PDE1C: variants seen among roughly 807,000 people sequenced by gnomAD.
The protein encoded by PDE1C is dual specificity calcium/calmodulin-dependent 3',5'-cyclic nucleotide phosphodiesterase 1C.
Under a neutral mutation model 93.1 loss-of-function variants are expected in PDE1C, and 62 were observed. That is an observed-to-expected ratio of 0.67 (90% CI 0.54 to 0.82). The LOEUF (loss-of-function observed/expected upper bound fraction) is 0.82. Among genes scored for constraint, PDE1C ranks in the 40% least tolerant of loss-of-function variants. PDE1C has a pLI of 0.00. For missense variants in PDE1C, 742 were observed against 884.6 expected, an observed-to-expected ratio of 0.84 and a Z score of 2.04; for synonymous variants, 325 against 310.1, an observed-to-expected ratio of 1.05 and a Z score of -0.50.
chr7:31,885,637 T>C (rs79315647), intron 2 of PDE1C, among the ~76,000 whole-genome samples: 11,834 of 152,264 alleles, frequency 0.078, 587 homozygotes, highest in Middle Eastern at 0.14. Flanking sequence ...AGGGGAACTA[T>C]GTGAGGAAAG....
upstream of PDE1C, chr7:32,070,923 C>G: frequency 1.0e-6 from 1 of 985,374 alleles, no homozygotes; most frequent in Non-Finnish European, 1.2e-6. Flanking sequence ...CGCCCAGCGC[C>G]CCGCTCACTC....
intron 1 of PDE1C, among the ~76,000 whole-genome samples, chr7:32,402,459 G>A (rs1784966057): frequency 6.6e-6 from 1 of 151,994 alleles, no homozygotes. Context: ...TCAAGGGCAA[G>A]CAGAGATGGA....
intron 3 of PDE1C, among the ~76,000 whole-genome samples, chr7:32,106,673 A>G (rs908431130): frequency 6.6e-6 from 1 of 152,206 alleles, no homozygotes; most frequent in African/African-American, 2.4e-5. Flanking sequence ...CAAGAACATT[A>G]GAGGAAATTT....
intron 2 of PDE1C, among the ~76,000 whole-genome samples, chr7:32,207,355 CAAAA>C (rs568631714): frequency 2.8e-4 from 31 of 110,034 alleles, no homozygotes; most frequent in African/African-American, 7.3e-4. Flanking sequence ...CTTCCAGTCT[CAAAA>C]AAAAAAAAAA....
At chr7:32,196,883 T>C (rs1040169682) in intron 2 of PDE1C, among the ~76,000 whole-genome samples, 3 of 152,186 alleles carry the variant, frequency 2.0e-5, no homozygotes, top group African/African-American at 7.2e-5. Context: ...TAGAGATGCA[T>C]ATATGATTTG....
intron 1 of PDE1C, among the ~76,000 whole-genome samples, chr7:32,224,953 G>A (rs574621048): frequency 6.6e-6 from 1 of 151,752 alleles, no homozygotes; most frequent in East Asian, 1.9e-4. Context: ...GAGAAGGAAG[G>A]CTGGCAATGA....
At chr7:31,649,357 G>A in the PDE1C span, among the ~76,000 whole-genome samples, 1 of 152,116 alleles carries the variant, frequency 6.6e-6, no homozygotes, top group South Asian at 2.1e-4. Context: ...CTGTAAAGTT[G>A]GTCTCCATGG....
intron 1 of PDE1C, among the ~76,000 whole-genome samples, chr7:32,336,623 CAT>C (rs1783631864): frequency 6.6e-6 from 1 of 152,112 alleles, no homozygotes; most frequent in Admixed American, 6.5e-5. Flanking sequence ...AGCTAAATAA[CAT>C]AGAACAAGTT....
chr7:31,736,101 T>C, the PDE1C span, among the ~76,000 whole-genome samples: 16 of 152,286 alleles, frequency 1.1e-4, no homozygotes, highest in East Asian at 1.7e-3. Context: ...AAGGCTGTAG[T>C]ACCCACAAAT....
intron 2 of PDE1C, among the ~76,000 whole-genome samples, chr7:32,036,173 A>G (rs1791060008): frequency 6.6e-6 from 1 of 152,192 alleles, no homozygotes; most frequent in South Asian, 2.1e-4. Context: ...TCTGAGAACC[A>G]CATACGCAAG....
At chr7:31,708,811 C>A in the PDE1C span, among the ~76,000 whole-genome samples, 2 of 152,192 alleles carry the variant, frequency 1.3e-5, no homozygotes, top group African/African-American at 4.8e-5. Context: ...CATCCATTGA[C>A]TCTAGTTTGG....
At chr7:31,917,128 G>C (rs1802025000) in intron 2 of PDE1C, among the ~76,000 whole-genome samples, 1 of 152,038 alleles carries the variant, frequency 6.6e-6, no homozygotes, top group Non-Finnish European at 1.5e-5. Flanking sequence ...CAGGTAGAGA[G>C]ACACCCGCCT....
intron 1 of PDE1C, among the ~76,000 whole-genome samples, chr7:32,247,965 T>A (rs73687121): frequency 7.9e-5 from 12 of 151,940 alleles, no homozygotes; most frequent in Non-Finnish European, 1.2e-4. Context: ...ATAGCAATAA[T>A]GATGGAAAGG....
At chr7:32,069,371 T>C (rs75599654) in intron 1 of PDE1C, among the ~76,000 whole-genome samples, 259 of 152,256 alleles carry the variant, frequency 1.7e-3, no homozygotes, top group African/African-American at 6.1e-3. Flanking sequence ...GTCTAGAGAA[T>C]ATGCTTGGAG....
chr7:32,020,016 G>A (rs1487746799), intron 2 of PDE1C, among the ~76,000 whole-genome samples: 1 of 152,044 alleles, frequency 6.6e-6, no homozygotes, highest in Non-Finnish European at 1.5e-5. Context: ...GGGTAGCTGA[G>A]GTGTCAGAGA....
chr7:32,251,096 CA>C (rs1204811760), intron 1 of PDE1C, among the ~76,000 whole-genome samples: 1 of 152,234 alleles, frequency 6.6e-6, no homozygotes, highest in Non-Finnish European at 1.5e-5. Flanking sequence ...CACACACACA[CA>C]AGGCTAATGC....
chr7:32,018,741 TA>T (rs997101289), intron 2 of PDE1C, among the ~76,000 whole-genome samples: 1 of 152,118 alleles, frequency 6.6e-6, no homozygotes, highest in Non-Finnish European at 1.5e-5. Flanking sequence ...ATTTTAAACT[TA>T]AACTTTGAGA....
chr7:32,192,631 CT>C (rs34712716), intron 2 of PDE1C, among the ~76,000 whole-genome samples: 2,521 of 152,042 alleles, frequency 0.017, 70 homozygotes, highest in African/African-American at 0.057. Flanking sequence ...ACTCCTCACA[CT>C]TTTTTTTCTT....
chr7:31,745,601 T>C, the PDE1C span, among the ~76,000 whole-genome samples: 3 of 152,170 alleles, frequency 2.0e-5, no homozygotes, highest in Admixed American at 2.0e-4. Context: ...TGAAAGTTTA[T>C]GTGGGGCCTA....
Sources: allele counts gnomAD v4.1 joint callset (sites outside exome capture counted in the v4.1 genomes callset), GRCh38; gene constraint gnomAD v4.1.1; transcripts MANE v1.5; gene names NCBI Gene and HGNC (gene_info 2026-07-23, HGNC 2026-07-21).